Variants in ADAM22 observed in about 807,000 individuals in gnomAD.
ADAM22 encodes ADAM metallopeptidase domain 22.
ADAM22 carries 65 observed loss-of-function variants against 144.6 expected under a neutral mutation model. The observed-to-expected ratio is 0.45, with a 90% CI of 0.37 to 0.55. The LOEUF (loss-of-function observed/expected upper bound fraction) is 0.55, where lower values mean the gene tolerates loss of function less well. ADAM22 is among the 20% of genes least tolerant of loss of function. The pLI is 0.00. For synonymous variants in ADAM22, 391 were observed against 412.6 expected, an observed-to-expected ratio of 0.95 and a Z score of 0.63; for missense variants, 974 against 1,184.9, an observed-to-expected ratio of 0.82 and a Z score of 2.61.
At chr7:88,015,458 A>G (rs928227422) in intron 3 of ADAM22, among the ~76,000 whole-genome samples, 11 of 152,204 alleles carry the variant, frequency 7.2e-5, no homozygotes, top group African/African-American at 1.7e-4. Flanking sequence ...TTTGGAATCA[A>G]TCATCACAGG....
At chr7:88,076,853 T>C (rs1411448821) in intron 4 of ADAM22, among the ~76,000 whole-genome samples, 2 of 152,266 alleles carry the variant, frequency 1.3e-5, no homozygotes, top group Admixed American at 1.3e-4. Context: ...CTACTTTATC[T>C]GAATTATAAT....
At chr7:88,160,370 C>T (rs556765125) in intron 22 of ADAM22, among the ~76,000 whole-genome samples, 14 of 152,214 alleles carry the variant, frequency 9.2e-5, no homozygotes, top group African/African-American at 3.1e-4. Flanking sequence ...ATCAAACTAT[C>T]GATGACATTC....
chr7:88,182,152 T>C (rs1226864430), intron 29 of ADAM22, 128 bp downstream of exon 29: 10 of 783,274 alleles, frequency 1.3e-5, no homozygotes, highest in Middle Eastern at 3.8e-4. Context: ...TTTTAAATTC[T>C]TTTTTGCCCT....
intron 3 of ADAM22, among the ~76,000 whole-genome samples, chr7:88,024,841 G>A (rs976331558): frequency 6.6e-6 from 1 of 151,784 alleles, no homozygotes; most frequent in Admixed American, 6.6e-5. Flanking sequence ...TGAGAATGAT[G>A]GTTACCACCT....
chr7:88,004,910 C>T (rs943981071), intron 3 of ADAM22, among the ~76,000 whole-genome samples: 12 of 152,020 alleles, frequency 7.9e-5, no homozygotes, highest in Non-Finnish European at 1.5e-4. Flanking sequence ...TGGAGAGGGT[C>T]TTGATTTTCC....
At chr7:88,084,992 G>T (rs1441100471) in intron 4 of ADAM22, among the ~76,000 whole-genome samples, 1 of 152,126 alleles carries the variant, frequency 6.6e-6, no homozygotes, top group Non-Finnish European at 1.5e-5. Flanking sequence ...CTTCTTGTGA[G>T]AACATCATTC....
At chr7:88,087,587 G>A (rs944491898) in intron 4 of ADAM22, among the ~76,000 whole-genome samples, 3 of 152,110 alleles carry the variant, frequency 2.0e-5, no homozygotes, top group Non-Finnish European at 4.4e-5. Flanking sequence ...AAAAGTAAAA[G>A]TAGACATCTT....
chr7:88,189,540 A>C (rs986418216), intron 30 of ADAM22, among the ~76,000 whole-genome samples: 2 of 152,188 alleles, frequency 1.3e-5, no homozygotes, highest in Non-Finnish European at 2.9e-5. Context: ...CAGAACCAGA[A>C]CTAGAGCCTG....
intron 29 of ADAM22, among the ~76,000 whole-genome samples, chr7:88,185,566 GA>G (rs564125313): frequency 4.0e-5 from 6 of 149,446 alleles, no homozygotes; most frequent in East Asian, 3.9e-4. Flanking sequence ...CTTTTTAAAT[GA>G]AAAAAAAATG....
Position 88,179,006 on chromosome 7 carries a change from G to A in ADAM22, c.2372G>A (p.Gly791Glu). The change falls in exon 27 of 32, where the codon GGA (glycine) becomes GAA (glutamate). Residue 791 changes from glycine (G) to glutamate (E), a missense_variant. Physicochemically the swap from Gly to Glu is moderately conservative, Grantham distance 98. Coordinates refer to ENST00000413139, the MANE Select transcript of ADAM22 (RefSeq NM_001324418.2). ...TCTTTTTATAGCGACATTCCTCCCG[G>A]AGTCAGCACAAACTCAGCATCTAGT... The part of the protein sequence containing the change: ...GDSFYSDIPP[G>E]VSTNSASSSK... 1 of 1,613,346 alleles carries A rather than the reference G, an allele frequency of 6.2e-7. No individual in the cohort carries two copies. Among genetic ancestry groups the A allele is most frequent in the Non-Finnish European group, 8.5e-7 (1 of 1,179,478 alleles).
At chr7:88,066,570 T>C (rs1471896576) in intron 3 of ADAM22, among the ~76,000 whole-genome samples, 1 of 152,084 alleles carries the variant, frequency 6.6e-6, no homozygotes, top group Non-Finnish European at 1.5e-5. Flanking sequence ...TGGAGAAACA[T>C]CAGCATATAA....
intron 3 of ADAM22, among the ~76,000 whole-genome samples, chr7:87,992,573 TTTGA>T (rs1175551513): frequency 6.6e-6 from 1 of 152,216 alleles, no homozygotes; most frequent in East Asian, 1.9e-4. Flanking sequence ...GATTAGTGGT[TTTGA>T]TTATCAAAAT....
At chr7:88,030,627 G>T (rs1400593131) in intron 3 of ADAM22, among the ~76,000 whole-genome samples, 2 of 152,036 alleles carry the variant, frequency 1.3e-5, no homozygotes, top group Admixed American at 1.3e-4. Context: ...TCCACCTAGT[G>T]CTGTCTTGTG....
chr7:88,115,458 A>G (rs1441556057), intron 6 of ADAM22, among the ~76,000 whole-genome samples: 1 of 152,140 alleles, frequency 6.6e-6, no homozygotes, highest in African/African-American at 2.4e-5. Flanking sequence ...CAGGGTTGAC[A>G]TCTGGTGAGG....
chr7:88,053,391 C>A (rs1042015666), intron 3 of ADAM22, among the ~76,000 whole-genome samples: 5 of 151,798 alleles, frequency 3.3e-5, no homozygotes, highest in Non-Finnish European at 7.4e-5. Context: ...GTCACTTGAG[C>A]CTGGGAGTTT....
intron 4 of ADAM22, among the ~76,000 whole-genome samples, chr7:88,091,866 G>T (rs1819952611): frequency 6.6e-6 from 1 of 152,122 alleles, no homozygotes; most frequent in Non-Finnish European, 1.5e-5. Flanking sequence ...GGCCAGAATT[G>T]AAGATGTGTT....
At chr7:88,014,873 C>T (rs576473440) in intron 3 of ADAM22, among the ~76,000 whole-genome samples, 20 of 152,240 alleles carry the variant, frequency 1.3e-4, no homozygotes, top group African/African-American at 2.4e-4. Flanking sequence ...GGATAACTTT[C>T]GAAGAAATGA....
rs771831970 is a variant in ADAM22, at chr7:88,155,969, A to G, written c.1870A>G (p.Thr624Ala). The change falls in exon 22 of 32, where the codon ACT (threonine) becomes GCT (alanine). Residue 624 changes from threonine (T) to alanine (A), a missense_variant. Thr to Ala is a moderately conservative substitution (Grantham distance 58). Around this residue, in one of 2 missense-constraint regions of ADAM22, gnomAD observed 734 missense variants for 950.6 expected, o/e 0.77. Transcript: ENST00000413139. ...AGAACTCGATGGTGAAATCACATCT[A>G]CTTTAGTTGTGCAGCAAGGAAGAAC... The part of the protein sequence containing the change: ...LGELDGEITS[T>A]LVVQQGRTLN... The G allele has an allele frequency of 6.2e-7, 1 of 1,613,386 alleles. No homozygotes were observed. The highest frequency in any genetic ancestry group is 1.1e-5 in the South Asian group (1 of 91,050).
At chr7:87,957,559 T>C (rs1847073985) in intron 2 of ADAM22, among the ~76,000 whole-genome samples, 1 of 152,106 alleles carries the variant, frequency 6.6e-6, no homozygotes, top group Admixed American at 6.6e-5. Context: ...GTGTGCATCC[T>C]TTCCGTCTTT....
Sources: gnomAD v4.1 joint callset for allele counts (sites outside exome capture counted in the v4.1 genomes callset) on GRCh38, gnomAD v4.1.1 for gene constraint, gnomAD v4.1.1 regional missense constraint, MANE v1.5 for transcripts, NCBI Gene and HGNC (gene_info 2026-07-23, HGNC 2026-07-21) for gene names.